The following GALNT18 variants were observed in gnomAD, a reference collection of about 807,000 sequenced individuals.
GALNT18 encodes GalNAc-transferase 18.
In GALNT18, 44 loss-of-function variants were observed where a neutral mutation model predicts 69.5. The observed-to-expected ratio is 0.63, with a 90% confidence interval of 0.50 to 0.81. The LOEUF (loss-of-function observed/expected upper bound fraction) is 0.81. Ranked by LOEUF, GALNT18 falls within the 40% of genes least tolerant of loss-of-function variation. The pLI, the probability that GALNT18 is intolerant of heterozygous loss-of-function variation, is 0.00. For missense variants in GALNT18, 715 were observed against 810.0 expected (o/e 0.88, Z 1.42); for synonymous variants, 364 against 318.2 (o/e 1.14, Z -1.53).
chr11:11,282,596 C>T lies in GALNT18; in HGVS notation c.1677+10433G>A, dbSNP rs1372595066. ...TTCCTCGCTAGGATGGTGGCCAGCC[C>T]CAGCCCTTGCCTATCACAGTGGTGG... On this transcript the variant is annotated intron_variant, in intron 10 of 10. Coordinates refer to ENST00000227756, the MANE Select transcript of GALNT18 (RefSeq NM_198516.3). Among the ~76,000 whole-genome samples the T allele has an allele frequency of 2.6e-5, 4 of 152,244 alleles. No individual in the cohort carries two copies. The Middle Eastern group carries it at 0.014, about 518-fold the overall frequency.
At chr11:11,450,957 G>A (rs1206833954) in intron 1 of GALNT18, among the ~76,000 whole-genome samples, 2 of 152,122 alleles carry the variant, frequency 1.3e-5, no homozygotes, top group African/African-American at 4.8e-5. Context: ...ATAAGGCAAT[G>A]AGCTGCTAAA....
chr11:11,514,976 A>C (rs1857242015), intron 1 of GALNT18, among the ~76,000 whole-genome samples: 1 of 152,236 alleles, frequency 6.6e-6, no homozygotes, highest in Non-Finnish European at 1.5e-5. Flanking sequence ...GAAGGAGAAC[A>C]GCCATTATTT....
intron 1 of GALNT18, among the ~76,000 whole-genome samples, chr11:11,476,725 A>C (rs1374516384): frequency 1.3e-5 from 2 of 152,182 alleles, no homozygotes; most frequent in Non-Finnish European, 2.9e-5. Context: ...TTTCATAGCA[A>C]CTTGGGCATG....
Position 11,432,554 on chromosome 11 carries a change from G to A in GALNT18, c.595+67C>T, listed in dbSNP as rs563584893. On this transcript the variant is annotated intron_variant, in intron 3 of 10. Transcript: ENST00000227756. The surrounding 1 kb of genome is among the most constrained non-coding windows in gnomAD (Gnocchi z 5.8). ...GCCTTGAGCAAATGTGAACCACGACGCTGAACCATCAGCTTAGATGTCAGC... is the reference window on the plus strand; with the variant it reads ...GCCTTGAGCAAATGTGAACCACGACACTGAACCATCAGCTTAGATGTCAGC... 8.1e-6 allele frequency: 12 copies of A among 1,490,448 alleles called. No individual in the cohort carries two copies. Among genetic ancestry groups the A allele is most frequent in the Admixed American group, 7.9e-5 (4 of 50,680 alleles). 92.3% of individuals were successfully genotyped at this position (1,490,448 alleles called of 1,614,324 possible).
At chr11:11,490,260 C>G (rs1387175436) in intron 1 of GALNT18, among the ~76,000 whole-genome samples, 1 of 151,254 alleles carries the variant, frequency 6.6e-6, no homozygotes, top group African/African-American at 2.4e-5. Flanking sequence ...CACACACACA[C>G]ACACACACAC....
rs1248275378 is a variant in GALNT18, at chr11:11,315,576, G to A, written c.1512+11510C>T. The stretch of plus-strand genomic sequence containing the variant: ...TGTCCCCTTTCTTCACCCGTGTAGA[G>A]TTTGCTCTTGGGTGAGGCATAGTAA... On this transcript the variant is annotated intron_variant, in intron 9 of 10. Transcript: ENST00000227756. The surrounding 1 kb of genome is among the most constrained non-coding windows in gnomAD (Gnocchi z 5.6). Among the ~76,000 whole-genome samples, 5 of 152,032 alleles carry A rather than the reference G, an allele frequency of 3.3e-5. No homozygotes were observed. The highest frequency in any genetic ancestry group is 2.9e-5 in the Non-Finnish European group (2 of 67,978).
intron 3 of GALNT18, among the ~76,000 whole-genome samples, chr11:11,379,754 G>A (rs970307407): frequency 5.9e-5 from 9 of 152,202 alleles, no homozygotes; most frequent in African/African-American, 1.4e-4. Flanking sequence ...CCCAGGATCC[G>A]CTCTCTGCCT....
intron 1 of GALNT18, among the ~76,000 whole-genome samples, chr11:11,479,149 T>C (rs1856469118): frequency 6.6e-6 from 1 of 152,226 alleles, no homozygotes; most frequent in Non-Finnish European, 1.5e-5. Context: ...ATTCTTCCAT[T>C]ACTTGTATAA....
At chr11:11,578,324 A>C (rs1858977066) in intron 1 of GALNT18, among the ~76,000 whole-genome samples, 1 of 96,986 alleles carries the variant, frequency 1.0e-5, no homozygotes, top group African/African-American at 3.8e-5. Flanking sequence ...AAAACATAAA[A>C]AGAACCAAAA....
At chr11:11,571,985 A>G (rs1858803613) in intron 1 of GALNT18, among the ~76,000 whole-genome samples, 1 of 152,212 alleles carries the variant, frequency 6.6e-6, no homozygotes, top group African/African-American at 2.4e-5. Flanking sequence ...TGGGCATAGG[A>G]ATTCCCTGGG....
intron 1 of GALNT18, among the ~76,000 whole-genome samples, chr11:11,467,011 T>C (rs535051851): frequency 6.6e-6 from 1 of 152,306 alleles, no homozygotes; most frequent in African/African-American, 2.4e-5. Flanking sequence ...GCTACATGTG[T>C]CTTTGATTAA....
At chr11:11,501,022 AG>A (rs1856962426) in intron 1 of GALNT18, among the ~76,000 whole-genome samples, 2 of 152,240 alleles carry the variant, frequency 1.3e-5, no homozygotes, top group African/African-American at 4.8e-5. Flanking sequence ...GGCTGACTGC[AG>A]AGAGACAGCC....
intron 1 of GALNT18, among the ~76,000 whole-genome samples, chr11:11,510,632 C>T (rs553409554): frequency 6.6e-6 from 1 of 152,302 alleles, no homozygotes; most frequent in Admixed American, 6.5e-5. Flanking sequence ...ACCTGGGGCT[C>T]AGTGCAAGAA....
rs1232939122 is a variant in GALNT18 at position 11,346,581 on chromosome 11, A to C, written c.1093-5577T>G. ...ACCTAGGAAGTCATCAAATGAGCAC[A>C]GGCGATAGCAGGCAGCTTCCTCTTG... On this transcript the variant is annotated intron_variant, in intron 6 of 10. Transcript: ENST00000227756. 2.0e-5 allele frequency among the ~76,000 whole-genome samples: 3 copies of C among 152,264 alleles called. No individual in the cohort carries two copies. The East Asian group carries it at 5.8e-4, about 29-fold the overall frequency.
intron 1 of GALNT18, among the ~76,000 whole-genome samples, chr11:11,615,681 T>C (rs1439371078): frequency 6.6e-6 from 1 of 152,210 alleles, no homozygotes; most frequent in Non-Finnish European, 1.5e-5. Context: ...GTACAACTTT[T>C]TATAAAATGA....
Position 11,356,201 on chromosome 11 carries a change from G to C in GALNT18, c.1093-15197C>G, listed in dbSNP as rs1293027762. On this transcript the variant is annotated intron_variant, in intron 6 of 10. Coordinates refer to ENST00000227756, the MANE Select transcript of GALNT18 (RefSeq NM_198516.3). This position sits in a 1 kb window ranked among gnomAD's most constrained non-coding sequence, Gnocchi z 4.4. ...TTCAGATTTATGAATATCGGATCTT[G>C]TCCAAGGAAAACCACAGCAGTGTCA... 6.6e-6 allele frequency among the ~76,000 whole-genome samples: 1 copy of C among 152,154 alleles called. No homozygotes were observed.
At chr11:11,288,895 TA>T (rs1330961129) in intron 10 of GALNT18, among the ~76,000 whole-genome samples, 1 of 152,166 alleles carries the variant, frequency 6.6e-6, no homozygotes, top group Non-Finnish European at 1.5e-5. Flanking sequence ...TAGATTATTT[TA>T]AAATTAATTC....
rs575547602 is a variant in GALNT18 at position 11,596,622 on chromosome 11, A to G, written c.235+24737T>C. Among the ~76,000 whole-genome samples the G allele has an allele frequency of 6.6e-6, 1 of 152,162 alleles. No individual in the cohort carries two copies. The highest frequency in any genetic ancestry group is 1.9e-4 in the East Asian group (1 of 5,184). On this transcript the variant is annotated intron_variant, in intron 1 of 10. Coordinates refer to ENST00000227756, the MANE Select transcript of GALNT18 (RefSeq NM_198516.3). This position sits in a 1 kb window ranked among gnomAD's most constrained non-coding sequence, Gnocchi z 4.2. ...TAAGCATTTTATTCTTTTTGATTCCATTATACATGATTTTTTATAGTTTGT... is the reference window on the plus strand; with the variant it reads ...TAAGCATTTTATTCTTTTTGATTCCGTTATACATGATTTTTTATAGTTTGT...
rs1197910970 is a variant in GALNT18 at position 11,338,926 on chromosome 11, G to C, written c.1278+1893C>G. Among the ~76,000 whole-genome samples the C allele has an allele frequency of 6.6e-6, 1 of 152,112 alleles. No homozygotes were observed. Among genetic ancestry groups the C allele is most frequent in the Non-Finnish European group, 1.5e-5 (1 of 68,002 alleles). On this transcript the variant is annotated intron_variant, in intron 7 of 10. Coordinates refer to ENST00000227756, the MANE Select transcript of GALNT18 (RefSeq NM_198516.3). The surrounding 1 kb of genome is among the most constrained non-coding windows in gnomAD (Gnocchi z 5.3). ...GGAATCATGGACCCAAGGAGCTACAGAGATTCAAGGAAAAGGTGAAATCCT... is the reference window on the plus strand; with the variant it reads ...GGAATCATGGACCCAAGGAGCTACACAGATTCAAGGAAAAGGTGAAATCCT...
Sources: allele counts gnomAD v4.1 joint callset (sites outside exome capture counted in the v4.1 genomes callset), GRCh38; gene constraint gnomAD v4.1.1; non-coding constraint Gnocchi (gnomAD v3.1); transcripts MANE v1.5; gene names NCBI Gene and HGNC (gene_info 2026-07-23, HGNC 2026-07-21).